The following SLC12A8 variants were observed in gnomAD, a reference collection of about 807,000 sequenced individuals.
The protein encoded by SLC12A8 is cation-chloride cotransporter 9.
SLC12A8 carries 69 observed loss-of-function variants against 75.6 expected under a neutral mutation model. The ratio of observed to expected loss-of-function variants is 0.91; its 90% CI spans 0.75 to 1.11. SLC12A8 has a LOEUF of 1.11. Ranked by LOEUF, SLC12A8 falls within the 50% of genes most tolerant of loss-of-function variation. The pLI is 0.00. For synonymous variants in SLC12A8, 365 were observed against 372.8 expected, an observed-to-expected ratio of 0.98 and a Z score of 0.24; for missense variants, 877 against 896.7, an observed-to-expected ratio of 0.98 and a Z score of 0.28.
intron 2 of SLC12A8, among the ~76,000 whole-genome samples, chr3:125,194,201 G>T (rs992269822): frequency 3.9e-5 from 6 of 152,246 alleles, no homozygotes; most frequent in African/African-American, 1.2e-4. Context: ...CAGCTTGACA[G>T]GTTCCAGGGG....
At chr3:125,187,467 A>T (rs1934817224) in intron 3 of SLC12A8, 39 bp from the exon 4 acceptor site, 1 of 1,592,456 alleles carries the variant, frequency 6.3e-7, no homozygotes. Flanking sequence ...GGATTAGGTG[A>T]GGAGGCCCCG....
At chr3:125,120,819 T>G (rs749860209) in intron 6 of SLC12A8, 133 bp from the exon 7 acceptor site, 13 of 731,314 alleles carry the variant, frequency 1.8e-5, no homozygotes, top group Non-Finnish European at 2.5e-6. Context: ...GCTGCAGCTC[T>G]GCGCATAGGC....
chr3:125,202,387 A>G lies in SLC12A8; in HGVS notation c.51+8912T>C, dbSNP rs573312218. Among the ~76,000 whole-genome samples the G allele has an allele frequency of 6.6e-5, 10 of 152,358 alleles. No homozygotes were observed. In the South Asian group the frequency reaches 1.9e-3, roughly 28 times the overall value. Reference sequence around the variant, plus strand: ...TCCCCTACAGGAAGCCAGGGTGTTCAATCAGGCCAGGCGGCCAGAGTAAAA... The same window carrying G: ...TCCCCTACAGGAAGCCAGGGTGTTCGATCAGGCCAGGCGGCCAGAGTAAAA... On this transcript the variant is annotated intron_variant, in intron 2 of 13. Transcript: ENST00000469902.
chr3:125,193,599 G>A (rs562923785), intron 2 of SLC12A8, among the ~76,000 whole-genome samples: 1 of 152,350 alleles, frequency 6.6e-6, no homozygotes, highest in Non-Finnish European at 1.5e-5. Context: ...CTGAGGGGCA[G>A]GACCACGGTC....
intron 12 of SLC12A8, 21 bp downstream of exon 12, chr3:125,091,418 C>T: frequency 6.4e-7 from 1 of 1,556,626 alleles, no homozygotes; most frequent in Admixed American, 1.7e-5. Flanking sequence ...GAACCAGTGG[C>T]AAAATGGCTC....
At chr3:125,157,619 T>A (rs1237619198) in intron 5 of SLC12A8, among the ~76,000 whole-genome samples, 1 of 152,198 alleles carries the variant, frequency 6.6e-6, no homozygotes, top group Non-Finnish European at 1.5e-5. Flanking sequence ...CCTACCTTCC[T>A]GCACTTTCTG....
intron 5 of SLC12A8, among the ~76,000 whole-genome samples, chr3:125,162,505 G>A (rs1166098729): frequency 6.6e-6 from 1 of 152,170 alleles, no homozygotes; most frequent in Non-Finnish European, 1.5e-5. Context: ...GGAGCGTGGT[G>A]CAGATCCACC....
At chr3:125,171,926 T>A (rs1378846341) in intron 5 of SLC12A8, among the ~76,000 whole-genome samples, 47 of 1,718 alleles carry the variant, frequency 0.027, no homozygotes, top group East Asian at 0.031. Context: ...AAAAAAAAAT[T>A]AAAAAAAAAA....
intron 8 of SLC12A8, among the ~76,000 whole-genome samples, chr3:125,117,770 C>A (rs1939348433): frequency 6.6e-6 from 1 of 151,964 alleles, no homozygotes; most frequent in Non-Finnish European, 1.5e-5. Context: ...TTGGGGATTT[C>A]CAGAAAAATA....
intron 4 of SLC12A8, among the ~76,000 whole-genome samples, chr3:125,185,268 C>T (rs182624938): frequency 4.6e-5 from 7 of 151,494 alleles, no homozygotes; most frequent in African/African-American, 1.2e-4. Context: ...TGTGGTGAGC[C>T]GAGATCACGC....
At chr3:125,157,256 G>GC in intron 5 of SLC12A8, among the ~76,000 whole-genome samples, 2 of 152,188 alleles carry the variant, frequency 1.3e-5, no homozygotes, top group African/African-American at 4.8e-5. Context: ...TCACATATAT[G>GC]AATACAAATA....
chr3:125,199,054 A>G (rs1033378157), intron 2 of SLC12A8, among the ~76,000 whole-genome samples: 5 of 152,166 alleles, frequency 3.3e-5, no homozygotes, highest in Non-Finnish European at 7.3e-5. Flanking sequence ...CTGGGATTAT[A>G]GGCGTGAGCC....
In SLC12A8 at chr3:125,091,512, A is replaced by G; in HGVS notation, c.1848T>C (p.Tyr616=). 6.2e-7 allele frequency: 1 copy of G among 1,614,016 alleles called. No individual in the cohort carries two copies. Among genetic ancestry groups the G allele is most frequent in the Non-Finnish European group, 8.5e-7 (1 of 1,179,900 alleles). The stretch of plus-strand genomic sequence containing the variant: ...CAGCAACACCCATGTTAACCAGGGT[A>G]TACACCCACTGTATCACAAACATGA... The part of the protein sequence containing the change: ...LLIMFVIQWV[Y]TLVNMGVAAI... The change falls in exon 12 of 14, where the codon TAT becomes TAC. Residue 616 remains tyrosine, a synonymous_variant. Transcript: ENST00000469902.
intron 10 of SLC12A8, among the ~76,000 whole-genome samples, chr3:125,101,394 TG>T (rs1417524525): frequency 6.6e-6 from 1 of 152,262 alleles, no homozygotes; most frequent in Non-Finnish European, 1.5e-5. Context: ...TGAATGGACA[TG>T]AATGAGTGAG....
At chr3:125,167,256 T>C (rs1934309681) in intron 5 of SLC12A8, among the ~76,000 whole-genome samples, 1 of 152,226 alleles carries the variant, frequency 6.6e-6, no homozygotes, top group South Asian at 2.1e-4. Context: ...TTCAAGAGAT[T>C]CTCCTGCCTC....
At chr3:125,113,437 A>C (rs137917383) in intron 8 of SLC12A8, among the ~76,000 whole-genome samples, 3,011 of 152,188 alleles carry the variant, frequency 0.02, 43 homozygotes, top group Non-Finnish European at 0.029. Flanking sequence ...CCTAAATCCT[A>C]TCTCTTTCTG....
intron 2 of SLC12A8, among the ~76,000 whole-genome samples, chr3:125,206,440 CAGA>C (rs532421897): frequency 5.3e-4 from 80 of 152,274 alleles, no homozygotes; most frequent in African/African-American, 1.9e-3. Flanking sequence ...TGGACTAGGC[CAGA>C]AGATCTCTGA....
chr3:125,116,903 G>A (rs566469460), intron 8 of SLC12A8, among the ~76,000 whole-genome samples: 23 of 152,282 alleles, frequency 1.5e-4, no homozygotes, highest in African/African-American at 5.1e-4. Flanking sequence ...TCCACAACTA[G>A]AGAACAGGCC....
intron 4 of SLC12A8, among the ~76,000 whole-genome samples, chr3:125,178,322 T>C (rs112040409): frequency 0.018 from 2,784 of 152,144 alleles, 37 homozygotes; most frequent in South Asian, 0.046. Context: ...GAACTAAATA[T>C]AGAACAAGAA....
Sources: gnomAD v4.1 joint callset for allele counts (sites outside exome capture counted in the v4.1 genomes callset) on GRCh38, gnomAD v4.1.1 for gene constraint, MANE v1.5 for transcripts, NCBI Gene and HGNC (gene_info 2026-07-23, HGNC 2026-07-21) for gene names.